Variants in KRR1 observed in about 807,000 individuals in gnomAD.
KRR1 encodes KRR1 small subunit processome component homolog.
KRR1 carries 23 observed loss-of-function variants against 50.0 expected under a neutral mutation model. That is an observed-to-expected ratio of 0.46 (90% CI 0.33 to 0.65). The LOEUF is 0.65. Among genes scored for constraint, KRR1 ranks in the 30% least tolerant of loss-of-function variants. The probability of loss-of-function intolerance (pLI) is 0.02; values close to 1 mark genes in which losing one functional copy is unlikely to be tolerated. For missense variants in KRR1, 419 were observed against 442.4 expected (o/e 0.95, Z 0.47); for synonymous variants, 133 against 146.3 (o/e 0.91, Z 0.66).
Position 75,495,644 on chromosome 12 carries a change from T to C in KRR1, c.*4165A>G. On this transcript the variant is annotated 3_prime_UTR_variant, in exon 10 of 10. Transcript: ENST00000229214. Reference sequence around the variant, plus strand: ...CAGTGCCTGCCCCAATAATGACAAGTGTTTGGACAATCTCTGTGGTGAGTA... The same window carrying C: ...CAGTGCCTGCCCCAATAATGACAAGCGTTTGGACAATCTCTGTGGTGAGTA... The C allele has an allele frequency of 1.2e-6, 2 of 1,606,366 alleles. No homozygotes were observed. The highest frequency in any genetic ancestry group is 2.2e-5 in the East Asian group (1 of 44,822).
rs1277171536 is a variant in KRR1 at position 75,498,952 on chromosome 12, T to C, written c.*857A>G. The C allele has an allele frequency of 1.9e-6, 3 of 1,601,410 alleles. No individual in the cohort carries two copies. Among genetic ancestry groups the C allele is most frequent in the Non-Finnish European group, 2.6e-6 (3 of 1,175,058 alleles). The stretch of plus-strand genomic sequence containing the variant: ...AATTACCATTTTGGTACAGCACAAG[T>C]ACCCTAATTTAGTTCTTTTGGACTA... On this transcript the variant is annotated 3_prime_UTR_variant, in exon 10 of 10. Transcript: ENST00000229214.
chr12:75,498,666 T>C lies in KRR1; in HGVS notation c.*1143A>G, dbSNP rs765304088. 6.9e-6 allele frequency: 11 copies of C among 1,596,896 alleles called. No homozygotes were observed. The African/African-American group carries it at 1.5e-4, about 21-fold the overall frequency. ...TCAACTGTGTCTACCCTTTTAATTTTTTTTCTTTCTTCCCCCTAACTTTAC... is the reference window on the plus strand; with the variant it reads ...TCAACTGTGTCTACCCTTTTAATTTCTTTTCTTTCTTCCCCCTAACTTTAC... On this transcript the variant is annotated 3_prime_UTR_variant, in exon 10 of 10. Transcript: ENST00000229214.
At chr12:75,505,166 C>G in intron 6 of KRR1, 32 bp downstream of exon 6, 1 of 1,495,966 alleles carries the variant, frequency 6.7e-7, no homozygotes, top group Non-Finnish European at 9.0e-7. Flanking sequence ...GTATGATAAT[C>G]ACTGGTACAG....
intron 5 of KRR1, 43 bp from the exon 6 acceptor site, chr12:75,505,297 A>C: frequency 6.5e-7 from 1 of 1,548,786 alleles, no homozygotes. Flanking sequence ...AAGGATTTTA[A>C]TGAGCTATGG....
chr12:75,507,031 A>C, intron 2 of KRR1, 115 bp from the exon 3 acceptor site: 3 of 800,548 alleles, frequency 3.7e-6, no homozygotes, highest in Middle Eastern at 5.1e-4. Flanking sequence ...CCTATCAATT[A>C]CTTCCCTGAA....
intron 3 of KRR1, 50 bp from the exon 4 acceptor site, chr12:75,506,659 ATTACATTCAT>A (rs1319709457): frequency 6.5e-7 from 1 of 1,536,662 alleles, no homozygotes; most frequent in African/African-American, 1.4e-5. Flanking sequence ...ATTTTTTACA[ATTACATTCAT>A]TTTCCAGGCC....
At chr12:75,509,590 T>C (rs529277163) in intron 1 of KRR1, among the ~76,000 whole-genome samples, 21 of 150,380 alleles carry the variant, frequency 1.4e-4, no homozygotes, top group East Asian at 1.9e-4. Context: ...ACATTTCTTT[T>C]TTTTTTTTTT....
rs562616950 is a variant in KRR1, at chr12:75,492,285, T to C, written c.*7524A>G. The C allele has an allele frequency of 6.6e-6, 1 of 152,370 alleles. No homozygotes were observed. The highest frequency in any genetic ancestry group is 2.4e-5 in the African/African-American group (1 of 41,546). The allele number at this position is 152,370 out of a possible 1,614,324, so 9.4% of individuals were successfully genotyped here. ...TTTGTAGAGACAGAGTTTTGCCATA[T>C]TGCCCAGGCTCATCTCCAACTCCTG... On this transcript the variant is annotated 3_prime_UTR_variant, in exon 10 of 10. Coordinates refer to ENST00000229214, the MANE Select transcript of KRR1 (RefSeq NM_007043.7).
intron 7 of KRR1, 106 bp downstream of exon 7, chr12:75,503,794 ACAAT>A: frequency 1.2e-5 from 12 of 982,864 alleles, no homozygotes; most frequent in Non-Finnish European, 1.8e-5. Context: ...ACACACACAC[ACAAT>A]ATATATATAT....
At chr12:75,506,723 G>A (rs981602127) in intron 3 of KRR1, 59 bp downstream of exon 3, 41 of 1,561,426 alleles carry the variant, frequency 2.6e-5, no homozygotes, top group Non-Finnish European at 3.4e-5. Flanking sequence ...CTTGATGGTG[G>A]GATGTTATAG....
rs754188138 is a variant in KRR1, at chr12:75,498,425, G to A, written c.*1384C>T. On this transcript the variant is annotated 3_prime_UTR_variant, in exon 10 of 10. Coordinates refer to ENST00000229214, the MANE Select transcript of KRR1 (RefSeq NM_007043.7). Reference sequence around the variant, plus strand: ...TTTTTTAAATTTTATTACCTGCTAGGTATGATGTGTAAAATGATTTTCCAT... The same window carrying A: ...TTTTTTAAATTTTATTACCTGCTAGATATGATGTGTAAAATGATTTTCCAT... 34 of 317,668 alleles carry A rather than the reference G, an allele frequency of 1.1e-4. No individual in the cohort carries two copies. Among genetic ancestry groups the A allele is most frequent in the Admixed American group, 6.6e-4 (14 of 21,236 alleles). The allele number at this position is 317,668 out of a possible 1,614,324, so 19.7% of individuals were successfully genotyped here. A position where few individuals can be genotyped will look rare whatever the true frequency, so the allele number is the denominator to read the frequency against.
rs2046379694 is a variant in KRR1 at position 75,499,907 on chromosome 12, C to T, written c.1048G>A (p.Val350Ile). The T allele has an allele frequency of 6.2e-7, 1 of 1,609,384 alleles. No homozygotes were observed. Reference protein sequence around the residue: ...KIDVASIKEKVKKAKNKKLGA... With the variant: ...KIDVASIKEKIKKAKNKKLGA... ...AGTTTCTTATTCTTTGCTTTCTTAA[C>T]CTTTTCCTTGATGCTGGCCACATCA... Residue 350 changes from valine to isoleucine, a missense_variant, in exon 10 of 10, where the codon GTT becomes ATT. By Grantham distance (29) the Val-to-Ile change is conservative (BLOSUM62 3). Coordinates refer to ENST00000229214, the MANE Select transcript of KRR1 (RefSeq NM_007043.7).
chr12:75,503,563 GAACA>G, intron 7 of KRR1: 1 of 168,164 alleles, frequency 5.9e-6, no homozygotes, highest in Non-Finnish European at 1.3e-5. Context: ...TTCAGAACAA[GAACA>G]ACCATAGAGC....
chr12:75,502,325 G>A (rs1031520162), intron 7 of KRR1: 41 of 208,432 alleles, frequency 2.0e-4, no homozygotes, highest in African/African-American at 8.6e-4. Context: ...AGACAAAGTA[G>A]GAGGGATAAG....
rs1191346906 is a variant in KRR1 at position 75,492,604 on chromosome 12, GTATAAA to G, written c.*7199_*7204del. The G allele has an allele frequency of 1.3e-5, 2 of 152,156 alleles. No homozygotes were observed. The highest frequency in any genetic ancestry group is 2.9e-5 in the Non-Finnish European group (2 of 68,028). The allele number at this position is 152,156 out of a possible 1,614,324, so 9.4% of individuals were successfully genotyped here. On this transcript the variant is annotated 3_prime_UTR_variant, in exon 10 of 10. Transcript: ENST00000229214. ...GTATTCATGATTTTTATTCATTAAA[GTATAAA>G]TGTAAATTTTCCTGGTTTAGACTCA... is the stretch of plus-strand genomic sequence containing the variant.
chr12:75,510,474 G>T (rs1376377490), intron 1 of KRR1, among the ~76,000 whole-genome samples: 2 of 152,100 alleles, frequency 1.3e-5, no homozygotes, highest in Non-Finnish European at 2.9e-5. Flanking sequence ...ACACCCGCAA[G>T]TATCACCCTG....
At position 75,499,787 on chromosome 12, in the gene KRR1, T is replaced by C. The variant is rs1388567456; in HGVS notation, c.*22A>G. On this transcript the variant is annotated 3_prime_UTR_variant, in exon 10 of 10. Coordinates refer to ENST00000229214, the MANE Select transcript of KRR1 (RefSeq NM_007043.7). Reference sequence around the variant, plus strand: ...AATCCTTTACAAAAGGAGATAGTTCTAGTCAAGGAGTTTTGGGTATGTTAC... The same window carrying C: ...AATCCTTTACAAAAGGAGATAGTTCCAGTCAAGGAGTTTTGGGTATGTTAC... 6.4e-7 allele frequency: 1 copy of C among 1,572,422 alleles called. No homozygotes were observed. The highest frequency in any genetic ancestry group is 1.2e-5 in the South Asian group (1 of 84,688).
At chr12:75,506,720 G>C in intron 3 of KRR1, 62 bp downstream of exon 3, 1 of 1,560,952 alleles carries the variant, frequency 6.4e-7, no homozygotes, top group South Asian at 1.2e-5. Context: ...AAACTTGATG[G>C]TGGGATGTTA....
At chr12:75,510,814 CTT>C (rs1304933676) in intron 1 of KRR1, among the ~76,000 whole-genome samples, 2 of 152,162 alleles carry the variant, frequency 1.3e-5, no homozygotes, top group Non-Finnish European at 2.9e-5. Context: ...AACAAAGAAA[CTT>C]TGAATACTTT....
Sources: gnomAD v4.1 joint callset for allele counts (sites outside exome capture counted in the v4.1 genomes callset) on GRCh38, gnomAD v4.1.1 for gene constraint, MANE v1.5 for transcripts, NCBI Gene and HGNC (gene_info 2026-07-23, HGNC 2026-07-21) for gene names.